Variants in LOC128706666 observed in about 807,000 individuals in gnomAD.
chr20:10,433,762 T>C, the LOC128706666 span, among the ~76,000 whole-genome samples: 1 of 151,908 alleles, frequency 6.6e-6, no homozygotes. Flanking sequence ...ACGGGGCCCC[T>C]CCCAGCGAGG....
chr20:10,421,292 C>G, the LOC128706666 span, among the ~76,000 whole-genome samples: 2 of 151,620 alleles, frequency 1.3e-5, no homozygotes, highest in African/African-American at 4.8e-5. Context: ...GATATGGTGG[C>G]GCATGCCTGT....
At chr20:10,431,762 A>G in the LOC128706666 span, 1 of 152,172 alleles carries the variant, frequency 6.6e-6, no homozygotes, top group Non-Finnish European at 1.5e-5. Flanking sequence ...GGTAGCAGCC[A>G]CTTGTCTTCT....
chr20:10,432,297 T>C, the LOC128706666 span, among the ~76,000 whole-genome samples: 2 of 152,210 alleles, frequency 1.3e-5, no homozygotes, highest in African/African-American at 4.8e-5. Flanking sequence ...CTTTCTTCCT[T>C]GGTAATCATC....
the LOC128706666 span, chr20:10,431,614 T>C: frequency 2.6e-5 from 4 of 152,152 alleles, no homozygotes; most frequent in Non-Finnish European, 4.4e-5. Flanking sequence ...GTTGACTCAT[T>C]TTTCAAAATC....
chr20:10,432,519 G>C, the LOC128706666 span, among the ~76,000 whole-genome samples: 1 of 151,938 alleles, frequency 6.6e-6, no homozygotes, highest in Non-Finnish European at 1.5e-5. Flanking sequence ...TAGGCCAGAC[G>C]CCGTGGGTCA....
the LOC128706666 span, among the ~76,000 whole-genome samples, chr20:10,428,339 C>T: frequency 6.6e-6 from 1 of 152,194 alleles, no homozygotes; most frequent in Non-Finnish European, 1.5e-5. Flanking sequence ...ATGAATGGGC[C>T]TTTAGTGCTA....
chr20:10,431,527 A>AAAACC, the LOC128706666 span, among the ~76,000 whole-genome samples: 17,432 of 150,764 alleles, frequency 0.12, 1,291 homozygotes, highest in African/African-American at 0.2. Flanking sequence ...ATAGGGTCAA[A>AAAACC]AAACCAAACC....
chr20:10,428,482 T>A, the LOC128706666 span, among the ~76,000 whole-genome samples: 3 of 152,220 alleles, frequency 2.0e-5, no homozygotes, highest in Non-Finnish European at 2.9e-5. Flanking sequence ...GAGGACATTA[T>A]AGCTCTTTAG....
At chr20:10,413,843 A>G in the LOC128706666 span, 4 of 451,358 alleles carry the variant, frequency 8.9e-6, no homozygotes, top group African/African-American at 2.0e-5. Flanking sequence ...AAGATATCCC[A>G]GCTACAAGAA....
chr20:10,420,533 G>T, the LOC128706666 span: 1 of 152,190 alleles, frequency 6.6e-6, no homozygotes, highest in Non-Finnish European at 1.5e-5. Flanking sequence ...CTTACCTGAA[G>T]ATTGCAAGCC....
the LOC128706666 span, among the ~76,000 whole-genome samples, chr20:10,415,098 C>T: frequency 1.3e-5 from 2 of 151,960 alleles, no homozygotes; most frequent in African/African-American, 4.8e-5. Context: ...AGTGTCCTTG[C>T]TAAAAAAAAG....
chr20:10,414,254 G>A, the LOC128706666 span, among the ~76,000 whole-genome samples: 1 of 150,178 alleles, frequency 6.7e-6, no homozygotes, highest in Non-Finnish European at 1.5e-5. Context: ...CAGAGAATTA[G>A]GTCTCTGAGT....
the LOC128706666 span, among the ~76,000 whole-genome samples, chr20:10,418,852 A>T: frequency 2.0e-5 from 3 of 152,078 alleles, no homozygotes; most frequent in East Asian, 5.8e-4. Flanking sequence ...ATATATAAAA[A>T]TCCAGCACCT....
At chr20:10,433,537 C>A in the LOC128706666 span, among the ~76,000 whole-genome samples, 1 of 152,174 alleles carries the variant, frequency 6.6e-6, no homozygotes, top group East Asian at 1.9e-4. Flanking sequence ...GTCTCTGAAA[C>A]GGCAACAGGA....
chr20:10,423,383 T>C, the LOC128706666 span, among the ~76,000 whole-genome samples: 1 of 151,910 alleles, frequency 6.6e-6, no homozygotes, highest in South Asian at 2.1e-4. Flanking sequence ...GATAACACCA[T>C]TGCACTCCAG....
chr20:10,413,717 C>A, the LOC128706666 span: 1 of 619,528 alleles, frequency 1.6e-6, no homozygotes, highest in South Asian at 2.0e-5. Context: ...ATTAGTAATT[C>A]CAAATATTTA....
At chr20:10,413,790 G>A in the LOC128706666 span, 2 of 562,812 alleles carry the variant, frequency 3.6e-6, no homozygotes, top group Non-Finnish European at 6.3e-6. Context: ...AGACTGCTTT[G>A]CAGACCTCTG....
At chr20:10,420,707 T>G in the LOC128706666 span, 1 of 152,250 alleles carries the variant, frequency 6.6e-6, no homozygotes, top group African/African-American at 2.4e-5. Context: ...ACCAAAACTT[T>G]GTAGTCTCTC....
the LOC128706666 span, among the ~76,000 whole-genome samples, chr20:10,426,929 G>A: frequency 2.6e-5 from 4 of 152,066 alleles, no homozygotes; most frequent in African/African-American, 7.2e-5. Context: ...ATGACAGCAA[G>A]AGATTAATGA....
Sources: allele counts gnomAD v4.1 joint callset (sites outside exome capture counted in the v4.1 genomes callset), GRCh38; gene constraint gnomAD v4.1.1; transcripts MANE v1.5.